Variants in TAF5L observed in about 807,000 individuals in gnomAD.
TAF5L encodes the protein TATA-box binding protein associated factor 5 like, also known as TAF5-like RNA polymerase II p300/CBP-associated factor-associated factor 65 kDa subunit 5L.
In TAF5L, 7 loss-of-function variants were observed where a neutral mutation model predicts 51.3. The observed-to-expected ratio is 0.14, with a 90% CI of 0.08 to 0.26. The LOEUF (loss-of-function observed/expected upper bound fraction) is 0.26, where lower values mean the gene tolerates loss of function less well. Ranked by LOEUF, TAF5L falls within the 10% of genes least tolerant of loss-of-function variation. The probability of loss-of-function intolerance (pLI) is 1.00; values close to 1 mark genes in which losing one functional copy is unlikely to be tolerated. For synonymous variants in TAF5L, 291 were observed against 308.1 expected (o/e 0.94, Z 0.58); for missense variants, 575 against 758.9 (o/e 0.76, Z 2.85).
intron 1 of TAF5L, among the ~76,000 whole-genome samples, chr1:229,617,348 C>T (rs989314920): frequency 2.0e-5 from 3 of 152,178 alleles, no homozygotes; most frequent in Non-Finnish European, 2.9e-5. Context: ...AAAGTCAAGA[C>T]GAGTCAATCC....
At position 229,622,111 on chromosome 1, in the gene TAF5L, A is replaced by G. The variant is rs187087652; in HGVS notation, c.-4+3774T>C. Among the ~76,000 whole-genome samples the G allele has an allele frequency of 1.4e-3, 218 of 152,258 alleles. 1 individual carries two copies. The highest frequency in any genetic ancestry group is 2.4e-3 in the Admixed American group (37 of 15,288). ...GATATACAGATATGTGTGTGTATAT[A>G]TATTATACATACATTATGTTTTGCA... On this transcript the variant is annotated intron_variant, in intron 1 of 4. Coordinates refer to ENST00000258281, the Ensembl canonical transcript of TAF5L.
At chr1:229,620,235 G>A (rs1571854921) in intron 1 of TAF5L, among the ~76,000 whole-genome samples, 1 of 151,780 alleles carries the variant, frequency 6.6e-6, no homozygotes, top group East Asian at 1.9e-4. Flanking sequence ...ATTGCTTCTC[G>A]CTCTCTTTAG....
At chr1:229,604,934 G>A (rs1235609942) in intron 3 of TAF5L, among the ~76,000 whole-genome samples, 4 of 151,850 alleles carry the variant, frequency 2.6e-5, no homozygotes, top group East Asian at 1.9e-4. Flanking sequence ...ATGGAACATC[G>A]GATTACTGAC....
chr1:229,621,321 C>CA lies in TAF5L; in HGVS notation c.-4+4563dup, dbSNP rs146996921. The stretch of plus-strand genomic sequence containing the variant: ...GCATAACACTTCTGCTTACTAATGA[C>CA]AAAGTCTCCAAAAGTTAGTATTTTG... On this transcript the variant is annotated intron_variant, in intron 1 of 4. Coordinates refer to ENST00000258281, the Ensembl canonical transcript of TAF5L. Among the ~76,000 whole-genome samples the CA allele has an allele frequency of 3.8e-3, 573 of 152,298 alleles. 4 individuals are homozygous for CA. Among genetic ancestry groups the CA allele is most frequent in the African/African-American group, 0.013 (554 of 41,564 alleles).
chr1:229,595,947 G>A (rs1470898376), intron 4 of TAF5L, among the ~76,000 whole-genome samples: 2 of 152,162 alleles, frequency 1.3e-5, no homozygotes, highest in African/African-American at 4.8e-5. Context: ...TTATAGGCAT[G>A]AGCCACCGCG....
At chr1:229,606,441 T>C in intron 3 of TAF5L, 1 of 985,444 alleles carries the variant, frequency 1.0e-6, no homozygotes, top group African/African-American at 1.7e-5. Flanking sequence ...CTACTGGCGG[T>C]AAATGAGAGA....
intron 1 of TAF5L, among the ~76,000 whole-genome samples, chr1:229,620,275 G>A (rs1442608917): frequency 6.6e-6 from 1 of 152,110 alleles, no homozygotes; most frequent in Non-Finnish European, 1.5e-5. Context: ...TGCCCAGGCT[G>A]GTCTCCATCC....
chr1:229,606,391 A>G, intron 3 of TAF5L: 3 of 974,406 alleles, frequency 3.1e-6, no homozygotes, highest in Non-Finnish European at 3.7e-6. Flanking sequence ...CCTTCTATCT[A>G]CCCACTGAAA....
At chr1:229,603,797 T>G (rs998659900) in intron 3 of TAF5L, among the ~76,000 whole-genome samples, 1 of 152,212 alleles carries the variant, frequency 6.6e-6, no homozygotes. Flanking sequence ...AATTGACACC[T>G]AAATAAGTGC....
intron 3 of TAF5L, chr1:229,606,516 T>G (rs1200703509): frequency 1.0e-6 from 1 of 985,406 alleles, no homozygotes. Flanking sequence ...TAAACAAAAC[T>G]AATCCTGTCG....
At position 229,606,525 on chromosome 1, in the gene TAF5L, C is replaced by T. The variant is rs562985814; in HGVS notation, c.247+3581G>A. On this transcript the variant is annotated intron_variant, in intron 3 of 4. Coordinates refer to ENST00000258281, the Ensembl canonical transcript of TAF5L. ...CTAAATTAAACAAAACTAATCCTGTCGGTCCTCATTCTCCTCTACCTTTCT... is the reference window on the plus strand; with the variant it reads ...CTAAATTAAACAAAACTAATCCTGTTGGTCCTCATTCTCCTCTACCTTTCT... 4.1e-5 allele frequency: 40 copies of T among 985,340 alleles called. No individual in the cohort carries two copies. The South Asian group carries it at 9.9e-4, about 24-fold the overall frequency. The allele number at this position is 985,340 out of a possible 1,614,324, so 61.0% of individuals were successfully genotyped here. A position where few individuals can be genotyped will look rare whatever the true frequency, so the allele number is the denominator to read the frequency against.
chr1:229,624,602 A>C (rs1254864016), intron 1 of TAF5L, among the ~76,000 whole-genome samples: 5 of 106,058 alleles, frequency 4.7e-5, no homozygotes, highest in Non-Finnish European at 1.0e-4. Flanking sequence ...CTGTCTCTTA[A>C]AGATAAAAAA....
At chr1:229,595,241 G>T in intron 4 of TAF5L, 147 bp from the exon 5 acceptor site, 1 of 762,830 alleles carries the variant, frequency 1.3e-6, no homozygotes, top group Non-Finnish European at 2.1e-6. Flanking sequence ...CAGTGGCCTT[G>T]CCCTTGAACG....
chr1:229,601,287 A>AT, intron 4 of TAF5L: 8 of 985,386 alleles, frequency 8.1e-6, no homozygotes, highest in Non-Finnish European at 9.6e-6. Context: ...AATTAGAGTG[A>AT]TTTTTTTGCT....
In TAF5L at chr1:229,614,058, G is replaced by C. The variant is rs866295270; in HGVS notation, c.142+283C>G. 6.6e-6 allele frequency: 4 copies of C among 609,752 alleles called. No individual in the cohort carries two copies. The East Asian group carries it at 1.1e-4, about 17-fold the overall frequency. The allele number at this position is 609,752 out of a possible 1,614,324, so 37.8% of individuals were successfully genotyped here. On this transcript the variant is annotated intron_variant, in intron 2 of 4. Coordinates refer to ENST00000258281, the Ensembl canonical transcript of TAF5L. ...TGTTTACAGAAGGAAAAAGTTGCAC[G>C]TACTTTCAGGTACAGATAAAGTAAC...
At chr1:229,605,001 G>T (rs1053007802) in intron 3 of TAF5L, among the ~76,000 whole-genome samples, 3 of 152,014 alleles carry the variant, frequency 2.0e-5, no homozygotes, top group African/African-American at 7.3e-5. Flanking sequence ...ACAGTGGCGC[G>T]ATCTCGGCTC....
At chr1:229,617,807 T>C (rs190692890) in intron 1 of TAF5L, among the ~76,000 whole-genome samples, 82 of 152,312 alleles carry the variant, frequency 5.4e-4, no homozygotes, top group African/African-American at 1.9e-3. Flanking sequence ...GTAATACTGA[T>C]TCTAACAAAT....
chr1:229,624,183 T>G (rs1665329698), intron 1 of TAF5L, among the ~76,000 whole-genome samples: 2 of 152,236 alleles, frequency 1.3e-5, no homozygotes, highest in African/African-American at 4.8e-5. Context: ...TACTGAGTAG[T>G]TAAGTGAGGC....
At chr1:229,598,171 C>CA (rs1285252069) in intron 4 of TAF5L, among the ~76,000 whole-genome samples, 1 of 152,162 alleles carries the variant, frequency 6.6e-6, no homozygotes, top group Non-Finnish European at 1.5e-5. Context: ...AAATACATAT[C>CA]AGATTTCTAA....
Sources: gnomAD v4.1 joint callset for allele counts (sites outside exome capture counted in the v4.1 genomes callset) on GRCh38, gnomAD v4.1.1 for gene constraint, MANE v1.5 for transcripts, NCBI Gene and HGNC (gene_info 2026-07-23, HGNC 2026-07-21) for gene names.